Variants in PSMA1 observed in about 807,000 individuals in gnomAD.
PSMA1 encodes proteasome subunit alpha type-1.
Under a neutral mutation model 38.4 loss-of-function variants are expected in PSMA1, and 3 were observed. The observed-to-expected ratio is 0.08, with a 90% CI of 0.04 to 0.20. PSMA1 has a LOEUF of 0.20. Among genes scored for constraint, PSMA1 ranks in the 10% least tolerant of loss-of-function variants. The pLI is 1.00. For missense variants in PSMA1, 227 were observed against 325.3 expected (o/e 0.70, Z 2.32); for synonymous variants, 101 against 107.1 (o/e 0.94, Z 0.35).
chr11:14,530,789 C>G (rs1478655305), intron 2 of PSMA1, among the ~76,000 whole-genome samples: 1 of 151,038 alleles, frequency 6.6e-6, no homozygotes, highest in Non-Finnish European at 1.5e-5. Context: ...GTAATCCTAG[C>G]TACTTAGGAG....
At chr11:14,508,560 T>TAAAAAAAAAAA (rs1851284969) in intron 8 of PSMA1, among the ~76,000 whole-genome samples, 1 of 410 alleles carries the variant, frequency 2.4e-3, no homozygotes, top group Non-Finnish European at 6.9e-3. Context: ...CCACTCCATC[T>TAAAAAAAAAAA]CAAAAAAAAA....
chr11:14,614,571 C>G (rs372354101), intron 1 of PSMA1, among the ~76,000 whole-genome samples: 1 of 152,126 alleles, frequency 6.6e-6, no homozygotes, highest in East Asian at 1.9e-4. Flanking sequence ...CAGTCTCACA[C>G]AAAGCTACTC....
At position 14,517,751 on chromosome 11, in the gene PSMA1, TAG is replaced by T; in HGVS notation, c.151-8_151-7del. 1 of 1,546,900 alleles carries T rather than the reference TAG, an allele frequency of 6.5e-7. No individual in the cohort carries two copies. Among genetic ancestry groups the T allele is most frequent in the Non-Finnish European group, 8.7e-7 (1 of 1,151,466 alleles). On this transcript the variant is annotated splice_polypyrimidine_tract_variant and splice_region_variant and intron_variant, in intron 3 of 9. Coordinates refer to ENST00000396394, the MANE Select transcript of PSMA1 (RefSeq NM_002786.4). ...GCAAGCTCTGATTGCGCCCTCTAAA[TAG>T]AGACATTATAAGATGTAAAAAAAAA...
Position 14,517,811 on chromosome 11 carries a change from A to C in PSMA1, c.151-66T>G, listed in dbSNP as rs542058156. On this transcript the variant is annotated intron_variant, in intron 3 of 9. Transcript: ENST00000396394. Reference sequence around the variant, plus strand: ...GAGACAAATGTAAAAATAAGTTTACAACCTTATTTTCTATGGTGAAATTTA... The same window carrying C: ...GAGACAAATGTAAAAATAAGTTTACCACCTTATTTTCTATGGTGAAATTTA... The C allele has an allele frequency of 1.1e-4, 161 of 1,531,712 alleles. No homozygotes were observed. In the African/African-American group the frequency reaches 2.2e-3, roughly 21 times the overall value. The allele number at this position is 1,531,712 out of a possible 1,614,324, so 94.9% of individuals were successfully genotyped here. A position where few individuals can be genotyped will look rare whatever the true frequency, so the allele number is the denominator to read the frequency against.
intron 1 of PSMA1, among the ~76,000 whole-genome samples, chr11:14,630,922 A>C (rs1852996220): frequency 1.3e-5 from 2 of 152,004 alleles, no homozygotes; most frequent in African/African-American, 2.4e-5. Context: ...GAATTTATCC[A>C]TTTCTTCTAG....
exon 2 of PSMA1, chr11:14,611,102 G>T: frequency 1.0e-6 from 1 of 996,134 alleles, no homozygotes; most frequent in Non-Finnish European, 1.6e-6. Flanking sequence ...TCTGCTACTG[G>T]CCTTGCTGAG....
At chr11:14,506,255 T>C (rs1026014565) in intron 9 of PSMA1, among the ~76,000 whole-genome samples, 1 of 152,202 alleles carries the variant, frequency 6.6e-6, no homozygotes, top group African/African-American at 2.4e-5. Context: ...TTATCGTACT[T>C]TGCATTGCTC....
intron 2 of PSMA1, among the ~76,000 whole-genome samples, chr11:14,547,289 G>A (rs1362793445): frequency 6.6e-6 from 1 of 152,162 alleles, no homozygotes; most frequent in Non-Finnish European, 1.5e-5. Context: ...CATCACTTCA[G>A]TACTGGAAAT....
intron 2 of PSMA1, among the ~76,000 whole-genome samples, chr11:14,591,201 C>T (rs146175956): frequency 0.015 from 2,348 of 152,326 alleles, 58 homozygotes; most frequent in African/African-American, 0.054. Context: ...GACTTGGCAC[C>T]CAGGCCAGTG....
At chr11:14,509,710 G>GT (rs1851310405) in intron 8 of PSMA1, among the ~76,000 whole-genome samples, 3 of 128,702 alleles carry the variant, frequency 2.3e-5, no homozygotes, top group Admixed American at 7.6e-5. Context: ...CCACAAACCG[G>GT]TTGTTTTTTT....
At position 14,513,624 on chromosome 11, in the gene PSMA1, G is replaced by A. The variant is rs1213161045; in HGVS notation, c.490C>T (p.Arg164Cys). 1.3e-6 allele frequency: 2 copies of A among 1,593,668 alleles called. No homozygotes were observed. Among genetic ancestry groups the A allele is most frequent in the African/African-American group, 1.4e-5 (1 of 73,508 alleles). ...AAGTAAGTACGAGCTGATTGGGAAC[G>A]GGCTCCAATGGACATGGCTCTGCAG... ...FDCRAMSIGARSQSARTYLER... is the reference protein window; with the variant it reads ...FDCRAMSIGACSQSARTYLER... Residue 164 changes from arginine (R) to cysteine (C), a missense_variant, in exon 7 of 10, where the codon CGT (arginine) becomes TGT (cysteine). Coordinates refer to ENST00000396394, the MANE Select transcript of PSMA1 (RefSeq NM_002786.4).
intron 8 of PSMA1, among the ~76,000 whole-genome samples, chr11:14,508,281 TAGAAG>T (rs1565030981): frequency 6.6e-6 from 1 of 152,056 alleles, no homozygotes. Context: ...CAGAAGCAAT[TAGAAG>T]AGAACTTTCA....
At chr11:14,508,031 A>G (rs938571286) in intron 8 of PSMA1, among the ~76,000 whole-genome samples, 1 of 152,214 alleles carries the variant, frequency 6.6e-6, no homozygotes, top group Non-Finnish European at 1.5e-5. Flanking sequence ...AAGATAATGC[A>G]GGCTATAAAG....
chr11:14,630,382 T>A (rs1852987014), intron 1 of PSMA1, among the ~76,000 whole-genome samples: 1 of 152,254 alleles, frequency 6.6e-6, no homozygotes, highest in South Asian at 2.1e-4. Flanking sequence ...GAAGGGTTGT[T>A]GAATTTTGTC....
intron 9 of PSMA1, 53 bp from the exon 10 acceptor site, chr11:14,505,301 T>C (rs1415750000): frequency 1.5e-6 from 2 of 1,368,408 alleles, no homozygotes; most frequent in African/African-American, 1.4e-5. Context: ...TTGATCAATA[T>C]ACACATCTAA....
chr11:14,541,482 A>G (rs1459836444), intron 2 of PSMA1, among the ~76,000 whole-genome samples: 2 of 152,242 alleles, frequency 1.3e-5, no homozygotes, highest in African/African-American at 4.8e-5. Context: ...ATTGGCTGCC[A>G]TCCAGTTGAG....
At chr11:14,520,240 AT>A in intron 1 of PSMA1, 56 bp downstream of exon 1, 1 of 1,611,762 alleles carries the variant, frequency 6.2e-7, no homozygotes, top group Non-Finnish European at 8.5e-7. Context: ...GTGGCTCGTC[AT>A]CCCCCAGTCA....
chr11:14,625,615 T>C (rs950238914), intron 1 of PSMA1, among the ~76,000 whole-genome samples: 1 of 152,214 alleles, frequency 6.6e-6, no homozygotes, highest in Middle Eastern at 3.2e-3. Context: ...TCCTGTGAGA[T>C]GAGGGACTCC....
intron 2 of PSMA1, among the ~76,000 whole-genome samples, chr11:14,570,759 A>G (rs907085182): frequency 6.6e-6 from 1 of 152,238 alleles, no homozygotes. Flanking sequence ...GGGAGAATGG[A>G]ACCAAGTTGG....
Sources: allele counts gnomAD v4.1 joint callset (sites outside exome capture counted in the v4.1 genomes callset), GRCh38; gene constraint gnomAD v4.1.1; transcripts MANE v1.5; gene names NCBI Gene and HGNC (gene_info 2026-07-23, HGNC 2026-07-21).